MALRD1: variants seen among roughly 807,000 people sequenced by gnomAD.
The protein encoded by MALRD1 is MAM and LDL-receptor class A domain-containing protein 1.
Under a neutral mutation model 242.1 loss-of-function variants are expected in MALRD1, and 247 were observed. That is an observed-to-expected ratio of 1.02 (90% CI 0.92 to 1.13). The LOEUF (loss-of-function observed/expected upper bound fraction) is 1.13. MALRD1 is among the 50% of genes most tolerant of loss of function. The pLI is 0.00. For synonymous variants in MALRD1, 995 were observed against 866.6 expected, an observed-to-expected ratio of 1.15 and a Z score of -2.60; for missense variants, 2,989 against 2,533.1, an observed-to-expected ratio of 1.18 and a Z score of -3.86.
intron 8 of MALRD1, among the ~76,000 whole-genome samples, chr10:19,128,789 A>T (rs1837361782): frequency 6.6e-6 from 1 of 152,140 alleles, no homozygotes; most frequent in African/African-American, 2.4e-5. Flanking sequence ...AGCAGTAGAC[A>T]TAATTTTTAA....
rs184480495 is a variant in MALRD1 at position 19,473,488 on chromosome 10, C to T, written c.5030-18029C>T. ...GACAATAACGCATCATTTTCTCCTTCCCCAGCCCCTGATGTCTACCATTTT... is the reference window on the plus strand; with the variant it reads ...GACAATAACGCATCATTTTCTCCTTTCCCAGCCCCTGATGTCTACCATTTT... On this transcript the variant is annotated intron_variant, in intron 29 of 39. Transcript: ENST00000454679. Among the ~76,000 whole-genome samples, 1,038 of 150,272 alleles carry T rather than the reference C, an allele frequency of 6.9e-3. 45 individuals are homozygous for T. Among genetic ancestry groups the T allele is most frequent in the Admixed American group, 0.062 (943 of 15,248 alleles).
chr10:19,333,907 G>A (rs780806830), intron 24 of MALRD1, among the ~76,000 whole-genome samples: 1 of 151,976 alleles, frequency 6.6e-6, no homozygotes, highest in East Asian at 1.9e-4. Context: ...GTGATACAGA[G>A]CATTTCTTTC....
rs184824884 is a variant in MALRD1 at position 19,567,097 on chromosome 10, A to G, written c.5479-405A>G. On this transcript the variant is annotated intron_variant, in intron 32 of 39. Coordinates refer to ENST00000454679, the MANE Select transcript of MALRD1 (RefSeq NM_001142308.3). ...TACTGTGGTTTTTAAAATGACTTCTATAATCTCATATTCATTTATCATATT... is the reference window on the plus strand; with the variant it reads ...TACTGTGGTTTTTAAAATGACTTCTGTAATCTCATATTCATTTATCATATT... Among the ~76,000 whole-genome samples the G allele has an allele frequency of 2.6e-5, 4 of 152,316 alleles. No individual in the cohort carries two copies. In the East Asian group the frequency reaches 7.7e-4, roughly 29 times the overall value.
intron 18 of MALRD1, among the ~76,000 whole-genome samples, chr10:19,224,972 T>A (rs1192871891): frequency 6.6e-6 from 1 of 152,210 alleles, no homozygotes; most frequent in Non-Finnish European, 1.5e-5. Flanking sequence ...TGGTTTTAGA[T>A]CTTATGTTTA....
chr10:19,447,342 G>C (rs1835053347), intron 28 of MALRD1, among the ~76,000 whole-genome samples: 1 of 152,078 alleles, frequency 6.6e-6, no homozygotes, highest in Admixed American at 6.6e-5. Flanking sequence ...TAGTTATAGG[G>C]ATAACATTTG....
intron 39 of MALRD1, 79 bp downstream of exon 39, chr10:19,730,860 A>T: frequency 7.9e-7 from 1 of 1,265,440 alleles, no homozygotes; most frequent in Non-Finnish European, 1.1e-6. Flanking sequence ...AGGCTGAACC[A>T]GTGTTGCTTG....
intron 19 of MALRD1, among the ~76,000 whole-genome samples, chr10:19,270,724 A>C (rs1840188453): frequency 1.3e-5 from 2 of 151,964 alleles, no homozygotes; most frequent in African/African-American, 4.8e-5. Flanking sequence ...TATAATTTTC[A>C]GAGTTCTAAA....
chr10:19,241,373 G>A (rs1374762731), intron 18 of MALRD1, among the ~76,000 whole-genome samples: 2 of 151,958 alleles, frequency 1.3e-5, no homozygotes, highest in African/African-American at 4.8e-5. Context: ...ATAGTTACGA[G>A]TAATGTCTTA....
At chr10:19,588,890 G>A (rs979201331) in intron 33 of MALRD1, among the ~76,000 whole-genome samples, 12 of 152,228 alleles carry the variant, frequency 7.9e-5, no homozygotes, top group South Asian at 6.2e-4. Context: ...TCATCCGACC[G>A]CCTTGGCCTT....
In MALRD1 at chr10:19,327,591, C is replaced by T. The variant is rs1282402923; in HGVS notation, c.3605C>T (p.Ser1202Phe). Residue 1202 changes from serine to phenylalanine, a missense_variant, in exon 23 of 40, where the codon TCT becomes TTT. Physicochemically the swap from Ser to Phe is radical, Grantham distance 155. Coordinates refer to ENST00000454679, the MANE Select transcript of MALRD1 (RefSeq NM_001142308.3). ...CTCATCAAGAAAGATAACGTTACTTCTAAATTGTGGGCTCAAACTGGACAG... is the reference window on the plus strand; with the variant it reads ...CTCATCAAGAAAGATAACGTTACTTTTAAATTGTGGGCTCAAACTGGACAG... The part of the protein sequence containing the change: ...QVLIKKDNVT[S>F]KLWAQTGQQG... 4.5e-6 allele frequency: 7 copies of T among 1,549,722 alleles called. No individual in the cohort carries two copies. In the African/African-American group the frequency reaches 6.9e-5, roughly 15 times the overall value.
At chr10:19,584,893 A>C (rs1432452503) in intron 33 of MALRD1, among the ~76,000 whole-genome samples, 1 of 151,664 alleles carries the variant, frequency 6.6e-6, no homozygotes, top group East Asian at 1.9e-4. Flanking sequence ...GACTTGCTTT[A>C]TGAATCTGGG....
rs776862926 is a variant in MALRD1 at position 19,358,195 on chromosome 10, AGT to A, written c.4441+5933_4441+5934del. On this transcript the variant is annotated intron_variant, in intron 26 of 39. Coordinates refer to ENST00000454679, the MANE Select transcript of MALRD1 (RefSeq NM_001142308.3). ...ATATATGCAATCAGGGCAGGAGTCA[AGT>A]GTGTGTGTGTGTGTGTGTGTGTGTG... is the stretch of plus-strand genomic sequence containing the variant. Among the ~76,000 whole-genome samples, 811 of 145,648 alleles carry A rather than the reference AGT, an allele frequency of 5.6e-3. 5 individuals are homozygous for A. The highest frequency in any genetic ancestry group is 0.017 in the Middle Eastern group (5 of 286).
At chr10:19,509,253 G>A (rs1243918900) in intron 31 of MALRD1, among the ~76,000 whole-genome samples, 1 of 152,190 alleles carries the variant, frequency 6.6e-6, no homozygotes, top group Non-Finnish European at 1.5e-5. Context: ...ACCCTTCAGT[G>A]TGAGCAACAA....
intron 32 of MALRD1, among the ~76,000 whole-genome samples, chr10:19,532,969 C>T (rs1834492184): frequency 6.6e-6 from 1 of 152,144 alleles, no homozygotes; most frequent in African/African-American, 2.4e-5. Flanking sequence ...CTCCACAACA[C>T]CTTATTTCTA....
chr10:19,465,920 C>T (rs966008196), intron 29 of MALRD1, among the ~76,000 whole-genome samples: 5 of 152,126 alleles, frequency 3.3e-5, no homozygotes, highest in Non-Finnish European at 7.3e-5. Flanking sequence ...GGTTCCTTTC[C>T]TTTTTCAATT....
chr10:19,351,400 CAAAG>C (rs1456934794), intron 25 of MALRD1, among the ~76,000 whole-genome samples: 7 of 152,106 alleles, frequency 4.6e-5, no homozygotes, highest in East Asian at 1.9e-4. Flanking sequence ...AATTTTTACT[CAAAG>C]AAAAGCTCCG....
At chr10:19,214,264 G>GA (rs1451176994) in intron 18 of MALRD1, among the ~76,000 whole-genome samples, 3 of 152,120 alleles carry the variant, frequency 2.0e-5, no homozygotes, top group Non-Finnish European at 2.9e-5. Flanking sequence ...TCTTCTCCTG[G>GA]AGTACTGGGC....
intron 36 of MALRD1, among the ~76,000 whole-genome samples, chr10:19,637,362 C>T (rs1301457487): frequency 6.6e-6 from 1 of 151,994 alleles, no homozygotes; most frequent in African/African-American, 2.4e-5. Context: ...ATGGTATCAA[C>T]AATGATTAAG....
chr10:19,254,952 A>T (rs992584109), intron 18 of MALRD1, among the ~76,000 whole-genome samples: 1 of 152,004 alleles, frequency 6.6e-6, no homozygotes, highest in African/African-American at 2.4e-5. Flanking sequence ...TTTTTATATC[A>T]TTTAAAATTT....
Sources: allele counts gnomAD v4.1 joint callset (sites outside exome capture counted in the v4.1 genomes callset), GRCh38; gene constraint gnomAD v4.1.1; transcripts MANE v1.5; gene names NCBI Gene and HGNC (gene_info 2026-07-23, HGNC 2026-07-21).